Variants in RALGAPA2 observed in about 807,000 individuals in gnomAD.
The protein encoded by RALGAPA2 is Ral GTPase activating protein catalytic subunit alpha 2, also known as ral GTPase-activating protein subunit alpha-2.
Under a neutral mutation model 230.4 loss-of-function variants are expected in RALGAPA2, and 139 were observed. That is an observed-to-expected ratio of 0.60 (90% CI 0.53 to 0.69). The LOEUF (loss-of-function observed/expected upper bound fraction) is 0.69, where lower values mean the gene tolerates loss of function less well. Ranked by LOEUF, RALGAPA2 falls within the 30% of genes least tolerant of loss-of-function variation. The pLI, the probability that RALGAPA2 is intolerant of heterozygous loss-of-function variation, is 0.00. For missense variants in RALGAPA2, 2,163 were observed against 2,276.0 expected (o/e 0.95, Z 1.01); for synonymous variants, 847 against 837.8 (o/e 1.01, Z -0.19).
intron 16 of RALGAPA2, among the ~76,000 whole-genome samples, chr20:20,594,353 A>G (rs2065383508): frequency 6.6e-6 from 1 of 152,136 alleles, no homozygotes; most frequent in South Asian, 2.1e-4. Flanking sequence ...TTTAAGAAAG[A>G]GCAATTTATG....
At chr20:20,565,557 G>A (rs2064389149) in intron 23 of RALGAPA2, among the ~76,000 whole-genome samples, 1 of 152,118 alleles carries the variant, frequency 6.6e-6, no homozygotes, top group Admixed American at 6.5e-5. Context: ...ATGAGAGGGG[G>A]TTGTAACACC....
At chr20:20,417,920 C>T (rs73122432) in intron 37 of RALGAPA2, among the ~76,000 whole-genome samples, 4,905 of 152,240 alleles carry the variant, frequency 0.032, 127 homozygotes, top group Middle Eastern at 0.16. Context: ...TAGAAAACTG[C>T]GTGATAAAAA....
chr20:20,573,715 T>C (rs1394483925), intron 20 of RALGAPA2, among the ~76,000 whole-genome samples: 1 of 152,216 alleles, frequency 6.6e-6, no homozygotes, highest in East Asian at 1.9e-4. Flanking sequence ...GTAGCCTGTC[T>C]GGTTTCTTTC....
At chr20:20,510,018 C>A (rs1196673690) in intron 33 of RALGAPA2, among the ~76,000 whole-genome samples, 1 of 152,086 alleles carries the variant, frequency 6.6e-6, no homozygotes, top group East Asian at 1.9e-4. Flanking sequence ...TGACATGAAC[C>A]AAGAGTTTGC....
At chr20:20,510,973 A>G (rs568540690) in intron 33 of RALGAPA2, among the ~76,000 whole-genome samples, 1 of 152,310 alleles carries the variant, frequency 6.6e-6, no homozygotes, top group South Asian at 2.1e-4. Context: ...GGTTGCAGAG[A>G]TCAAATGAGA....
intron 33 of RALGAPA2, among the ~76,000 whole-genome samples, chr20:20,507,396 G>T (rs1237093182): frequency 6.6e-6 from 1 of 152,154 alleles, no homozygotes; most frequent in Non-Finnish European, 1.5e-5. Flanking sequence ...AGGCTGGAGT[G>T]CAATGGCGTG....
At chr20:20,629,206 G>A (rs1311522182) in intron 10 of RALGAPA2, among the ~76,000 whole-genome samples, 157 bp downstream of exon 10, 1 of 151,884 alleles carries the variant, frequency 6.6e-6, no homozygotes, top group Non-Finnish European at 1.5e-5. Context: ...AAGATTAGAG[G>A]GATCGTTCTT....
intron 4 of RALGAPA2, among the ~76,000 whole-genome samples, chr20:20,647,820 T>G (rs1385760548): frequency 5.3e-5 from 8 of 152,060 alleles, no homozygotes; most frequent in Non-Finnish European, 2.9e-5. Flanking sequence ...TATTAGTCAA[T>G]GAGATACCAC....
intron 37 of RALGAPA2, among the ~76,000 whole-genome samples, chr20:20,459,790 CTAA>C (rs377417497): frequency 1.2e-4 from 18 of 152,326 alleles, no homozygotes; most frequent in African/African-American, 4.3e-4. Context: ...GAAGAGATAA[CTAA>C]TGAGAGGTAC....
Position 20,619,275 on chromosome 20 carries a change from A to G in RALGAPA2, c.1539+2T>C. Reference sequence around the variant, plus strand: ...GTCTTCATGTCCTGGCCAGCCACATACCTGCAACAAAGCCTGGACGCCGGC... The same window carrying G: ...GTCTTCATGTCCTGGCCAGCCACATGCCTGCAACAAAGCCTGGACGCCGGC... On this transcript the variant is annotated splice_donor_variant, in intron 12 of 39. Transcript: ENST00000202677. LOFTEE classifies it high-confidence loss of function. The G allele has an allele frequency of 1.3e-6, 2 of 1,596,318 alleles. No individual in the cohort carries two copies. The highest frequency in any genetic ancestry group is 1.7e-6 in the Non-Finnish European group (2 of 1,169,140).
chr20:20,467,002 T>C (rs2061433660), intron 37 of RALGAPA2, among the ~76,000 whole-genome samples: 1 of 152,250 alleles, frequency 6.6e-6, no homozygotes, highest in Non-Finnish European at 1.5e-5. Context: ...TTGATAAACA[T>C]GTTTTAGACC....
chr20:20,396,796 G>C (rs939687569), intron 38 of RALGAPA2, 62 bp from the exon 39 acceptor site: 1 of 1,342,148 alleles, frequency 7.5e-7, no homozygotes, highest in African/African-American at 1.4e-5. Context: ...GCTCCAACTT[G>C]ATAACTAACA....
rs556614839 is a variant in RALGAPA2, at chr20:20,509,393, G to C, written c.4928+1861C>G. On this transcript the variant is annotated intron_variant, in intron 33 of 39. Transcript: ENST00000202677. ...ATGGCAATGGAGCTGCAGGCTTCTG[G>C]ACAGAGAATGGCTCCTTTATCCAGG... 3.9e-5 allele frequency among the ~76,000 whole-genome samples: 6 copies of C among 152,298 alleles called. No homozygotes were observed. In the East Asian group the frequency reaches 1.2e-3, roughly 29 times the overall value.
At chr20:20,489,884 A>G (rs979264695) in intron 36 of RALGAPA2, among the ~76,000 whole-genome samples, 8 of 152,214 alleles carry the variant, frequency 5.3e-5, no homozygotes, top group Non-Finnish European at 1.0e-4. Context: ...GCTTTCTTAC[A>G]TTACCATTTG....
intron 1 of RALGAPA2, among the ~76,000 whole-genome samples, chr20:20,691,270 C>A (rs138613728): frequency 6.6e-6 from 1 of 152,260 alleles, no homozygotes; most frequent in Non-Finnish European, 1.5e-5. Context: ...CTCAAGTCCT[C>A]ACTTCCCTTC....
intron 9 of RALGAPA2, among the ~76,000 whole-genome samples, chr20:20,634,019 T>C (rs911712011): frequency 2.6e-5 from 4 of 152,220 alleles, no homozygotes; most frequent in Admixed American, 1.3e-4. Flanking sequence ...CTCATTCCTT[T>C]GAAGCAACCT....
intron 23 of RALGAPA2, among the ~76,000 whole-genome samples, chr20:20,569,122 A>G (rs866293420): frequency 3.4e-4 from 52 of 152,332 alleles, no homozygotes; most frequent in African/African-American, 1.1e-3. Context: ...CCAGAATTAC[A>G]TAAGTTCTGA....
Position 20,642,009 on chromosome 20 carries a change from C to G in RALGAPA2, c.373-1131G>C, listed in dbSNP as rs191786687. Among the ~76,000 whole-genome samples the G allele has an allele frequency of 3.4e-3, 518 of 150,822 alleles. 4 individuals carry two copies. The highest frequency in any genetic ancestry group is 0.012 in the African/African-American group (486 of 41,010). The stretch of plus-strand genomic sequence containing the variant: ...CCAAACACAGTCCTGGACTCCACCA[C>G]TGTTCTGCACAAACCTCCATGCCCA... On this transcript the variant is annotated intron_variant, in intron 5 of 39. Transcript: ENST00000202677.
chr20:20,635,654 T>C, intron 8 of RALGAPA2, 37 bp from the exon 9 acceptor site: 1 of 1,451,386 alleles, frequency 6.9e-7, no homozygotes, highest in South Asian at 1.3e-5. Context: ...ATTAGGTTAA[T>C]AAATCATAAC....
Sources: gnomAD v4.1 joint callset for allele counts (sites outside exome capture counted in the v4.1 genomes callset) on GRCh38, gnomAD v4.1.1 for gene constraint, MANE v1.5 for transcripts, NCBI Gene and HGNC (gene_info 2026-07-23, HGNC 2026-07-21) for gene names.